Variants in BZW2 observed in about 807,000 individuals in gnomAD.
The protein encoded by BZW2 is eIF5-mimic protein 1.
BZW2 carries 23 observed loss-of-function variants against 53.2 expected under a neutral mutation model. That is an observed-to-expected ratio of 0.43 (90% CI 0.31 to 0.61). The LOEUF is 0.61. Among genes scored for constraint, BZW2 ranks in the 20% least tolerant of loss-of-function variants. The pLI, the probability that BZW2 is intolerant of heterozygous loss-of-function variation, is 0.09. For missense variants in BZW2, 409 were observed against 503.1 expected (o/e 0.81, Z 1.79); for synonymous variants, 227 against 186.4 (o/e 1.22, Z -1.77).
At chr7:16,696,855 G>T in intron 8 of BZW2, 60 bp from the exon 9 acceptor site, 1 of 1,572,530 alleles carries the variant, frequency 6.4e-7, no homozygotes, top group Non-Finnish European at 8.7e-7. Flanking sequence ...GGCAGCTAGC[G>T]GGGAGATGGG....
chr7:16,696,857 G>T, intron 8 of BZW2, 58 bp from the exon 9 acceptor site: 1 of 1,582,704 alleles, frequency 6.3e-7, no homozygotes, highest in Non-Finnish European at 8.7e-7. Flanking sequence ...CAGCTAGCGG[G>T]GAGATGGGAG....
chr7:16,663,065 G>T (rs1453691639), intron 1 of BZW2, among the ~76,000 whole-genome samples: 2 of 152,128 alleles, frequency 1.3e-5, no homozygotes, highest in Non-Finnish European at 2.9e-5. Flanking sequence ...TGTTTATAAT[G>T]CCAGCAGGAA....
At chr7:16,671,413 C>T (rs982517527) in intron 2 of BZW2, among the ~76,000 whole-genome samples, 1 of 152,212 alleles carries the variant, frequency 6.6e-6, no homozygotes, top group African/African-American at 2.4e-5. Context: ...TGCCTTAAAA[C>T]TAGCCCACCC....
intron 2 of BZW2, among the ~76,000 whole-genome samples, chr7:16,667,140 G>T (rs1782453659): frequency 6.6e-6 from 1 of 152,096 alleles, no homozygotes; most frequent in Non-Finnish European, 1.5e-5. Context: ...AAATTAGCCA[G>T]GCGTGGTGGC....
intron 1 of BZW2, among the ~76,000 whole-genome samples, chr7:16,662,882 A>G (rs1313691835): frequency 3.3e-5 from 5 of 152,192 alleles, no homozygotes; most frequent in African/African-American, 1.2e-4. Flanking sequence ...GTTGAGCTAC[A>G]TTCTTTTTGC....
At chr7:16,648,647 G>A (rs955751767) in intron 1 of BZW2, among the ~76,000 whole-genome samples, 2 of 152,148 alleles carry the variant, frequency 1.3e-5, no homozygotes. Flanking sequence ...GGTCTGGCCT[G>A]GAAGGTTCCA....
intron 3 of BZW2, among the ~76,000 whole-genome samples, chr7:16,675,800 C>A (rs1339663421): frequency 6.6e-6 from 1 of 152,366 alleles, no homozygotes; most frequent in East Asian, 1.9e-4. Flanking sequence ...TCTTTAGCAG[C>A]CGGGCGTGGT....
intron 1 of BZW2, among the ~76,000 whole-genome samples, chr7:16,653,816 G>T (rs1782047490): frequency 6.6e-6 from 1 of 152,144 alleles, no homozygotes; most frequent in Non-Finnish European, 1.5e-5. Flanking sequence ...GTGGGGCTAG[G>T]ATATAAGGTC....
chr7:16,656,553 GCGCACACACACACACACA>G (rs1202694602), intron 1 of BZW2, among the ~76,000 whole-genome samples: 5 of 119,854 alleles, frequency 4.2e-5, no homozygotes, highest in South Asian at 2.7e-4. Flanking sequence ...CAGCGCGCGC[GCGCACACACACACACACA>G]CACACACACA....
At chr7:16,675,989 G>A (rs1782752068) in intron 3 of BZW2, among the ~76,000 whole-genome samples, 1 of 152,170 alleles carries the variant, frequency 6.6e-6, no homozygotes, top group African/African-American at 2.4e-5. Flanking sequence ...GCTGAGGCAG[G>A]AGAATCACTT....
intron 3 of BZW2, among the ~76,000 whole-genome samples, chr7:16,678,168 C>T (rs1782825521): frequency 1.4e-5 from 2 of 141,116 alleles, no homozygotes; most frequent in Admixed American, 7.5e-5. Context: ...CTCCTGGAAT[C>T]AGGCAATTAT....
intron 2 of BZW2, among the ~76,000 whole-genome samples, chr7:16,668,460 G>T (rs1328530828): frequency 2.0e-5 from 3 of 152,120 alleles, no homozygotes; most frequent in Non-Finnish European, 4.4e-5. Context: ...CAACACTTGA[G>T]CCATTTTGTG....
intron 1 of BZW2, among the ~76,000 whole-genome samples, chr7:16,660,274 GCCT>G (rs2128352331): frequency 6.6e-6 from 1 of 151,904 alleles, no homozygotes; most frequent in South Asian, 2.1e-4. Context: ...AATTAGCCGG[GCCT>G]GGTAGTGTGC....
At chr7:16,664,277 A>G (rs1782354615) in intron 1 of BZW2, among the ~76,000 whole-genome samples, 1 of 152,252 alleles carries the variant, frequency 6.6e-6, no homozygotes, top group Non-Finnish European at 1.5e-5. Flanking sequence ...CATGGAGGGT[A>G]TAGACCCCAG....
chr7:16,674,613 G>T (rs762074973), intron 3 of BZW2, 25 bp downstream of exon 3: 6 of 1,508,480 alleles, frequency 4.0e-6, no homozygotes, highest in Non-Finnish European at 5.3e-6. Context: ...ATCGCTTCTT[G>T]TAGTATATTT....
At chr7:16,669,939 A>G in intron 2 of BZW2, among the ~76,000 whole-genome samples, 1 of 152,234 alleles carries the variant, frequency 6.6e-6, no homozygotes, top group Non-Finnish European at 1.5e-5. Flanking sequence ...TTTCTGCTAG[A>G]CTGTCCTCTA....
chr7:16,694,483 C>T (rs1783417660), intron 7 of BZW2, among the ~76,000 whole-genome samples: 1 of 151,970 alleles, frequency 6.6e-6, no homozygotes, highest in Non-Finnish European at 1.5e-5. Flanking sequence ...TTTAAAGCCA[C>T]CAGGTCCCCT....
At chr7:16,693,639 T>C (rs11982578) in intron 7 of BZW2, among the ~76,000 whole-genome samples, 5,419 of 152,292 alleles carry the variant, frequency 0.036, 183 homozygotes, top group African/African-American at 0.093. Flanking sequence ...AAAGTGCCAG[T>C]ACATTTTGAT....
intron 10 of BZW2, among the ~76,000 whole-genome samples, chr7:16,699,617 T>G (rs751537582): frequency 6.6e-6 from 1 of 152,222 alleles, no homozygotes; most frequent in Non-Finnish European, 1.5e-5. Context: ...TCACCAATTT[T>G]TTTTTTTAAC....
Sources: allele counts gnomAD v4.1 joint callset (sites outside exome capture counted in the v4.1 genomes callset), GRCh38; gene constraint gnomAD v4.1.1; transcripts MANE v1.5; gene names NCBI Gene and HGNC (gene_info 2026-07-23, HGNC 2026-07-21).